Variants in C6 observed in about 807,000 individuals in gnomAD.
The protein encoded by C6 is complement component C6.
C6 carries 101 observed loss-of-function variants against 112.9 expected under a neutral mutation model. The observed-to-expected ratio is 0.89, with a 90% CI of 0.76 to 1.06. The LOEUF (loss-of-function observed/expected upper bound fraction) is 1.06, where lower values mean the gene tolerates loss of function less well. C6 is among the 50% of genes least tolerant of loss of function. The pLI is 0.00. For missense variants in C6, 1,202 were observed against 1,104.6 expected (o/e 1.09, Z -1.25); for synonymous variants, 431 against 384.1 (o/e 1.12, Z -1.43).
At chr5:41,194,279 A>T (rs1750441308) in intron 5 of C6, among the ~76,000 whole-genome samples, 1 of 152,182 alleles carries the variant, frequency 6.6e-6, no homozygotes, top group African/African-American at 2.4e-5. Flanking sequence ...AGGACAGAAC[A>T]TCACATCAGT....
chr5:41,143,792 G>A (rs988324942), intron 17 of C6, among the ~76,000 whole-genome samples: 2 of 152,146 alleles, frequency 1.3e-5, no homozygotes, highest in Admixed American at 6.5e-5. Context: ...CTGGGGATCT[G>A]TATTTTTAGT....
chr5:41,185,318 A>T (rs1749683246), intron 6 of C6, among the ~76,000 whole-genome samples: 1 of 152,214 alleles, frequency 6.6e-6, no homozygotes, highest in African/African-American at 2.4e-5. Context: ...GAAGGATTAA[A>T]TGAGTTTTTG....
intron 17 of C6, among the ~76,000 whole-genome samples, chr5:41,145,133 G>A (rs775353646): frequency 6.6e-6 from 1 of 152,166 alleles, no homozygotes; most frequent in Non-Finnish European, 1.5e-5. Flanking sequence ...TGGTAATTAT[G>A]TTTTAAGTCC....
At chr5:41,225,614 C>G (rs1345043331) in intron 1 of C6, among the ~76,000 whole-genome samples, 1 of 152,122 alleles carries the variant, frequency 6.6e-6, no homozygotes, top group Non-Finnish European at 1.5e-5. Context: ...AATTGTATTT[C>G]TAGTTCTAGA....
Position 41,253,327 on chromosome 5 carries a change from G to T in C6, c.-21+7867C>A, listed in dbSNP as rs534118542. Among the ~76,000 whole-genome samples, 6 of 152,206 alleles carry T rather than the reference G, an allele frequency of 3.9e-5. No individual in the cohort carries two copies. In the East Asian group the frequency reaches 1.2e-3, roughly 29 times the overall value. The stretch of plus-strand genomic sequence containing the variant: ...GGTGGTTTCCTCATACCTGTGAGCT[G>T]ACTGATACTCACCCAAAGGCTGGAG... On this transcript the variant is annotated intron_variant, in intron 1 of 17. Transcript: ENST00000263413.
intron 1 of C6, among the ~76,000 whole-genome samples, chr5:41,209,910 A>T (rs928163262): frequency 3.3e-5 from 5 of 152,196 alleles, no homozygotes; most frequent in African/African-American, 1.2e-4. Flanking sequence ...CATTGCCAAG[A>T]CAATCCTAAG....
chr5:41,153,749 A>G, intron 15 of C6, 61 bp downstream of exon 15: 3 of 1,242,320 alleles, frequency 2.4e-6, no homozygotes, highest in Non-Finnish European at 3.6e-6. Context: ...TATAGAGGCT[A>G]TACTACCAAT....
intron 1 of C6, among the ~76,000 whole-genome samples, chr5:41,251,483 C>T (rs1477837931): frequency 6.6e-6 from 1 of 152,120 alleles, no homozygotes; most frequent in South Asian, 2.1e-4. Flanking sequence ...ATCTTGTTGC[C>T]ACCAACCCTG....
In C6 at chr5:41,159,140, G is replaced by A. The variant is rs756691542; in HGVS notation, c.1798C>T (p.Arg600Cys). ...NNPAPQRGGK[R>C]CEGEKRQEED... Reference sequence around the variant, plus strand: ...TCTTGTCGCTTCTCCCCCTCACAGCGTTTCCCTCCTCGTTGGGGGGCAGGA... The same window carrying A: ...TCTTGTCGCTTCTCCCCCTCACAGCATTTCCCTCCTCGTTGGGGGGCAGGA... The change falls in exon 12 of 18, where the codon CGC becomes TGC. Residue 600 changes from arginine to cysteine, a missense_variant. Coordinates refer to ENST00000337836, the MANE Select transcript of C6 (RefSeq NM_000065.5). 80 of 1,613,394 alleles carry A rather than the reference G, an allele frequency of 5.0e-5. No individual in the cohort carries two copies. The highest frequency in any genetic ancestry group is 2.0e-4 in the South Asian group (18 of 91,072).
chr5:41,207,275 GC>G (rs1381005559), intron 1 of C6, among the ~76,000 whole-genome samples: 1 of 152,146 alleles, frequency 6.6e-6, no homozygotes, highest in African/African-American at 2.4e-5. Context: ...GCAAAAACAT[GC>G]CAAATTGTAA....
intron 5 of C6, among the ~76,000 whole-genome samples, chr5:41,195,408 T>A (rs534129602): frequency 3.9e-5 from 6 of 152,280 alleles, no homozygotes; most frequent in African/African-American, 1.2e-4. Context: ...GCTCCTGACA[T>A]TTCTGAGTGG....
intron 17 of C6, among the ~76,000 whole-genome samples, chr5:41,143,445 TC>T: frequency 6.6e-6 from 1 of 152,358 alleles, no homozygotes; most frequent in Non-Finnish European, 1.5e-5. Flanking sequence ...GCCTGTCCTT[TC>T]TGTTTTATTT....
At chr5:41,143,963 T>C (rs1364364435) in intron 17 of C6, among the ~76,000 whole-genome samples, 1 of 152,178 alleles carries the variant, frequency 6.6e-6, no homozygotes, top group Non-Finnish European at 1.5e-5. Context: ...TGAACAAAGG[T>C]TTATAGGCTC....
At chr5:41,214,037 T>C (rs1752096041), upstream of C6, among the ~76,000 whole-genome samples, 2 of 152,188 alleles carry the variant, frequency 1.3e-5, no homozygotes, top group African/African-American at 4.8e-5. Flanking sequence ...GTAATGATGA[T>C]TACGCTTCTC....
At chr5:41,190,702 T>A (rs1221997079) in intron 5 of C6, among the ~76,000 whole-genome samples, 1 of 152,226 alleles carries the variant, frequency 6.6e-6, no homozygotes, top group East Asian at 1.9e-4. Context: ...GGTTTTCCCC[T>A]ACATTTTTCT....
rs746533382 is a variant in C6, at chr5:41,176,622, C to T, written c.1021G>A (p.Ala341Thr). The stretch of plus-strand genomic sequence containing the variant: ...TATTCTAGAGGCAGATGGTTAAGTG[C>T]TTTCAAAAAGACATCAGAAAGGTGC... ...DLHLSDVFLK[A>T]LNHLPLEYNS... Residue 341 changes from alanine (A) to threonine (T), a missense_variant, in exon 8 of 18, where the codon GCA (alanine) becomes ACA (threonine). Transcript: ENST00000337836. 1 of 1,613,860 alleles carries T rather than the reference C, an allele frequency of 6.2e-7. No individual in the cohort carries two copies. The highest frequency in any genetic ancestry group is 1.1e-5 in the South Asian group (1 of 91,068).
chr5:41,204,670 C>CTTTTTTTTT (rs1196116815), intron 1 of C6, among the ~76,000 whole-genome samples: 1 of 98,574 alleles, frequency 1.0e-5, no homozygotes, highest in African/African-American at 3.8e-5. Flanking sequence ...TTTTTTTTTT[C>CTTTTTTTTT]TTTTTTTTTT....
intron 1 of C6, among the ~76,000 whole-genome samples, chr5:41,204,923 C>T (rs1372105712): frequency 6.6e-6 from 1 of 151,970 alleles, no homozygotes; most frequent in Non-Finnish European, 1.5e-5. Context: ...CCCACCTCGG[C>T]CTCCCAAAGT....
At chr5:41,176,755 T>G (rs1216255825) in intron 7 of C6, 40 bp from the exon 8 acceptor site, 2 of 1,573,506 alleles carry the variant, frequency 1.3e-6, no homozygotes, top group South Asian at 2.3e-5. Context: ...TTAAAGGTAA[T>G]GAAAGTTTGA....
Sources: gnomAD v4.1 joint callset for allele counts (sites outside exome capture counted in the v4.1 genomes callset) on GRCh38, gnomAD v4.1.1 for gene constraint, MANE v1.5 for transcripts, NCBI Gene and HGNC (gene_info 2026-07-23, HGNC 2026-07-21) for gene names.